The following LRBA variants were observed in gnomAD, a reference collection of about 807,000 sequenced individuals.
The protein encoded by LRBA is LPS responsive beige-like anchor protein.
Under a neutral mutation model 330.0 loss-of-function variants are expected in LRBA, and 176 were observed. The ratio of observed to expected loss-of-function variants is 0.53; its 90% CI spans 0.47 to 0.60. The LOEUF (loss-of-function observed/expected upper bound fraction) is 0.60, where lower values mean the gene tolerates loss of function less well. Ranked by LOEUF, LRBA falls within the 20% of genes least tolerant of loss-of-function variation. The pLI, the probability that LRBA is intolerant of heterozygous loss-of-function variation, is 0.00. For missense variants in LRBA, 3,259 were observed against 3,444.8 expected (o/e 0.95, Z 1.35); for synonymous variants, 1,230 against 1,193.0 (o/e 1.03, Z -0.64).
intron 17 of LRBA, among the ~76,000 whole-genome samples, chr4:150,883,864 A>G (rs755741413): frequency 5.3e-5 from 8 of 152,238 alleles, no homozygotes; most frequent in Non-Finnish European, 1.2e-4. Context: ...AAGACTGAGA[A>G]AGTAGCAAAA....
chr4:150,654,789 C>T (rs538085454), intron 37 of LRBA, among the ~76,000 whole-genome samples: 38 of 152,106 alleles, frequency 2.5e-4, no homozygotes, highest in East Asian at 3.9e-4. Flanking sequence ...TGAGAACATG[C>T]GGTGTTTGGT....
At chr4:150,270,539 T>A (rs903306608) in intron 56 of LRBA, among the ~76,000 whole-genome samples, 2 of 150,998 alleles carry the variant, frequency 1.3e-5, no homozygotes, top group Non-Finnish European at 1.5e-5. Flanking sequence ...GGAGAGAGAG[T>A]CATTAACATG....
Position 150,908,430 on chromosome 4 carries a change from G to A in LRBA, c.1397C>T (p.Ala466Val). ...KAVLTHSIQS[A>V]MHSIGGVQVL... ...TTGTACTCCTCCAATTGAATGCATT[G>A]CACTTTGGATGGAATGTGTTAAAAC... The change falls in exon 11 of 57, where the codon GCA becomes GTA. Residue 466 changes from alanine to valine, a missense_variant. Transcript: ENST00000651943. The A allele has an allele frequency of 6.2e-7, 1 of 1,607,726 alleles. No individual in the cohort carries two copies. The highest frequency in any genetic ancestry group is 8.5e-7 in the Non-Finnish European group (1 of 1,178,392).
At chr4:150,421,379 G>A (rs900812145) in intron 46 of LRBA, among the ~76,000 whole-genome samples, 4 of 146,950 alleles carry the variant, frequency 2.7e-5, no homozygotes, top group African/African-American at 7.5e-5. Context: ...TACACAAAAT[G>A]CAGGAAGAAT....
intron 8 of LRBA, 79 bp downstream of exon 8, chr4:150,915,529 G>A: frequency 7.7e-7 from 1 of 1,291,442 alleles, no homozygotes; most frequent in South Asian, 1.5e-5. Flanking sequence ...TTATATTCAA[G>A]TTGTAAAACT....
At chr4:150,616,637 C>G (rs893893932) in intron 37 of LRBA, among the ~76,000 whole-genome samples, 25 of 152,112 alleles carry the variant, frequency 1.6e-4, no homozygotes, top group Non-Finnish European at 3.7e-4. Context: ...TTGAAAAGAA[C>G]AGCTTCAGTA....
chr4:150,579,068 TCGGTCTGAAGACTTGAA>T, intron 40 of LRBA: 3 of 346,570 alleles, frequency 8.7e-6, no homozygotes, highest in South Asian at 7.0e-5. Context: ...TACAGATGAA[TCGGTCTGAAGACTTGAA>T]GTGGCTTTTA....
At chr4:150,579,339 G>C (rs1202098272) in intron 40 of LRBA, 2 of 455,964 alleles carry the variant, frequency 4.4e-6, no homozygotes, top group East Asian at 7.0e-5. Context: ...GCTGCTCTTA[G>C]AGCAGAGGCA....
intron 2 of LRBA, among the ~76,000 whole-genome samples, chr4:151,000,539 G>A (rs1022794277): frequency 1.4e-4 from 22 of 152,182 alleles, no homozygotes; most frequent in African/African-American, 5.3e-4. Context: ...CAATCTGATC[G>A]TGGAGAGGGT....
At chr4:150,388,095 A>G (rs2151902712) in intron 47 of LRBA, among the ~76,000 whole-genome samples, 1 of 152,346 alleles carries the variant, frequency 6.6e-6, no homozygotes, top group East Asian at 1.9e-4. Context: ...CAAGGTTCCC[A>G]TAAGATTTGG....
rs1745742949 is a variant in LRBA at position 150,269,121 on chromosome 4, C to T, written c.8469-3309G>A. ...AGTCCAAAAGGAAAATTAAGAATTG[C>T]AGTGAGCCGAGATCATGCCATTGCA... is the stretch of plus-strand genomic sequence containing the variant. On this transcript the variant is annotated intron_variant, in intron 56 of 56. Coordinates refer to ENST00000651943, the MANE Select transcript of LRBA (RefSeq NM_001364905.1). Among the ~76,000 whole-genome samples the T allele has an allele frequency of 2.6e-5, 4 of 152,286 alleles. No individual in the cohort carries two copies. In the South Asian group the frequency reaches 8.3e-4, roughly 32 times the overall value.
At chr4:150,587,364 TAAAAG>T (rs1772242091) in intron 40 of LRBA, among the ~76,000 whole-genome samples, 2 of 152,194 alleles carry the variant, frequency 1.3e-5, no homozygotes, top group African/African-American at 4.8e-5. Flanking sequence ...TGCTCATTTT[TAAAAG>T]AAACTGTTTC....
chr4:150,958,078 C>T (rs1404988052), intron 2 of LRBA, among the ~76,000 whole-genome samples: 1 of 149,200 alleles, frequency 6.7e-6, no homozygotes, highest in African/African-American at 2.6e-5. Flanking sequence ...CTCACAGCTC[C>T]ACTAGGCAGT....
At chr4:150,710,881 A>G (rs896873525) in intron 36 of LRBA, among the ~76,000 whole-genome samples, 20 of 151,878 alleles carry the variant, frequency 1.3e-4, no homozygotes, top group Middle Eastern at 3.4e-3. Flanking sequence ...CAAACTCAAC[A>G]TATCAGTTCG....
At position 150,375,519 on chromosome 4, in the gene LRBA, A is replaced by G. The variant is rs184328788; in HGVS notation, c.7195-25360T>C. On this transcript the variant is annotated intron_variant, in intron 47 of 56. Transcript: ENST00000651943. ...GTCACCTAGGCTGGAATGCAGTGGC[A>G]TGATGTCGGCTCACTGCAAACTCCG... 3.2e-3 allele frequency among the ~76,000 whole-genome samples: 483 copies of G among 152,058 alleles called. 1 individual carries two copies. The highest frequency in any genetic ancestry group is 0.011 in the African/African-American group (460 of 41,484).
In LRBA at chr4:150,942,704, C is replaced by G. The variant is rs116537036; in HGVS notation, c.217-13639G>C. 5.1e-3 allele frequency among the ~76,000 whole-genome samples: 778 copies of G among 152,158 alleles called. 2 individuals are homozygous for G. The highest frequency in any genetic ancestry group is 7.7e-3 in the Non-Finnish European group (523 of 67,988). On this transcript the variant is annotated intron_variant, in intron 2 of 56. Transcript: ENST00000651943. ...TCCATTTCTACTATCATAACTAATC[C>G]TTACAAGAACCCTGTAAGTCATACA...
intron 39 of LRBA, among the ~76,000 whole-genome samples, chr4:150,589,632 C>T (rs897942344): frequency 6.6e-6 from 1 of 152,234 alleles, no homozygotes; most frequent in East Asian, 1.9e-4. Flanking sequence ...CTAGGTCCTA[C>T]AGAAGACCCC....
At chr4:150,554,091 G>A (rs1414351643) in intron 40 of LRBA, among the ~76,000 whole-genome samples, 1 of 152,180 alleles carries the variant, frequency 6.6e-6, no homozygotes, top group Non-Finnish European at 1.5e-5. Context: ...AGGACATGAA[G>A]GAGTTTCTTG....
chr4:150,893,541 G>A (rs1012036006), intron 16 of LRBA, among the ~76,000 whole-genome samples: 66 of 152,198 alleles, frequency 4.3e-4, no homozygotes, highest in Non-Finnish European at 2.4e-4. Context: ...GTAGAGACAA[G>A]GTTTCACCAT....
Sources: gnomAD v4.1 joint callset for allele counts (sites outside exome capture counted in the v4.1 genomes callset) on GRCh38, gnomAD v4.1.1 for gene constraint, MANE v1.5 for transcripts, NCBI Gene and HGNC (gene_info 2026-07-23, HGNC 2026-07-21) for gene names.